The following RBFOX1 variants were observed in gnomAD, a reference collection of about 807,000 sequenced individuals.
RBFOX1 encodes the protein RNA binding protein fox-1 homolog 1.
In RBFOX1, 8 loss-of-function variants were observed where a neutral mutation model predicts 57.7. The ratio of observed to expected loss-of-function variants is 0.14; its 90% CI spans 0.08 to 0.25. RBFOX1 has a LOEUF of 0.25. Among genes scored for constraint, RBFOX1 ranks in the 10% least tolerant of loss-of-function variants. The pLI, the probability that RBFOX1 is intolerant of heterozygous loss-of-function variation, is 1.00. For synonymous variants in RBFOX1, 326 were observed against 222.4 expected, an observed-to-expected ratio of 1.47 and a Z score of -4.15; for missense variants, 611 against 548.5, an observed-to-expected ratio of 1.11 and a Z score of -1.14.
intron 3 of RBFOX1, among the ~76,000 whole-genome samples, chr16:6,988,929 G>A (rs934171009): frequency 1.3e-5 from 2 of 151,890 alleles, no homozygotes; most frequent in Admixed American, 6.6e-5. Context: ...CCACTACCAT[G>A]CCTGGCTAAT....
intron 4 of RBFOX1, among the ~76,000 whole-genome samples, chr16:7,303,322 G>A (rs1269188459): frequency 6.6e-6 from 1 of 152,044 alleles, no homozygotes; most frequent in Non-Finnish European, 1.5e-5. Context: ...GCTCCCTCCT[G>A]CCCCCAGCCC....
chr16:6,986,822 G>C (rs1257233204), intron 3 of RBFOX1, among the ~76,000 whole-genome samples: 1 of 152,086 alleles, frequency 6.6e-6, no homozygotes, highest in South Asian at 2.1e-4. Flanking sequence ...GCAGGTGCCT[G>C]TATGTTTCAC....
chr16:5,998,466 G>T (rs1168293807), intron 4 of RBFOX1, among the ~76,000 whole-genome samples: 1 of 152,210 alleles, frequency 6.6e-6, no homozygotes, highest in Non-Finnish European at 1.5e-5. Flanking sequence ...TGAGTGTTTA[G>T]AACTAGAAGA....
intron 3 of RBFOX1, among the ~76,000 whole-genome samples, chr16:6,705,820 C>A (rs1437333994): frequency 6.6e-6 from 1 of 152,114 alleles, no homozygotes; most frequent in Non-Finnish European, 1.5e-5. Flanking sequence ...GAGTCCAAGA[C>A]CATCCTGGCT....
chr16:5,770,942 G>T (rs545293488), intron 3 of RBFOX1, among the ~76,000 whole-genome samples: 37 of 152,228 alleles, frequency 2.4e-4, no homozygotes, highest in African/African-American at 7.7e-4. Flanking sequence ...TTCCATCCTG[G>T]CAGGTGAACT....
chr16:7,669,663 T>C (rs1283577606), intron 13 of RBFOX1, among the ~76,000 whole-genome samples: 1 of 152,222 alleles, frequency 6.6e-6, no homozygotes, highest in African/African-American at 2.4e-5. Flanking sequence ...ATTTCTGAAT[T>C]CCTGTCACTC....
At chr16:7,403,572 C>CG (rs957298313) in intron 4 of RBFOX1, among the ~76,000 whole-genome samples, 1 of 146,742 alleles carries the variant, frequency 6.8e-6, no homozygotes. Flanking sequence ...TCCCCCCCCC[C>CG]CCACTTTTTT....
At chr16:6,413,901 G>A (rs1288198123) in intron 2 of RBFOX1, among the ~76,000 whole-genome samples, 1 of 152,194 alleles carries the variant, frequency 6.6e-6, no homozygotes, top group African/African-American at 2.4e-5. Context: ...AACTCTTAGC[G>A]AGGTTGATGG....
intron 1 of RBFOX1, among the ~76,000 whole-genome samples, chr16:5,324,431 C>G (rs2064503820): frequency 1.3e-5 from 2 of 152,254 alleles, no homozygotes; most frequent in Middle Eastern, 6.8e-3. Flanking sequence ...ACACTGCACT[C>G]CAGCCTGGGT....
chr16:7,576,230 C>A (rs1342897559), intron 5 of RBFOX1, among the ~76,000 whole-genome samples: 1 of 152,042 alleles, frequency 6.6e-6, no homozygotes, highest in Non-Finnish European at 1.5e-5. Flanking sequence ...AGCCCCATTA[C>A]CCCATTAATG....
At chr16:7,248,374 A>G (rs551254846) in intron 4 of RBFOX1, among the ~76,000 whole-genome samples, 2 of 152,306 alleles carry the variant, frequency 1.3e-5, no homozygotes, top group South Asian at 2.1e-4. Context: ...AGGATGCCCT[A>G]TGTGGGTATC....
rs528636617 is a variant in RBFOX1 at position 6,796,996 on chromosome 16, C to T, written c.-16+142346C>T. ...TTCCTTAGTGGGAAAACATAAGATG[C>T]CACGGGCAGTCTAAATGTCAAGATT... On this transcript the variant is annotated intron_variant, in intron 3 of 15. Transcript: ENST00000550418. Among the ~76,000 whole-genome samples, 4 of 152,248 alleles carry T rather than the reference C, an allele frequency of 2.6e-5. No individual in the cohort carries two copies. The East Asian group carries it at 5.8e-4, about 22-fold the overall frequency.
intron 3 of RBFOX1, among the ~76,000 whole-genome samples, chr16:6,914,896 C>A (rs993684585): frequency 1.3e-5 from 2 of 152,190 alleles, no homozygotes; most frequent in African/African-American, 4.8e-5. Context: ...AAAAACAAAA[C>A]ACAGATGGAT....
chr16:6,314,976 C>G (rs2080889942), intron 1 of RBFOX1, among the ~76,000 whole-genome samples: 1 of 152,200 alleles, frequency 6.6e-6, no homozygotes, highest in Non-Finnish European at 1.5e-5. Flanking sequence ...CCCACTGTCC[C>G]CGGTGAAGAT....
chr16:6,772,938 G>T (rs2078596582), intron 3 of RBFOX1, among the ~76,000 whole-genome samples: 1 of 148,636 alleles, frequency 6.7e-6, no homozygotes, highest in South Asian at 2.2e-4. Flanking sequence ...TTGTGTGTGT[G>T]TGTGTATCTA....
At chr16:5,279,514 T>G (rs2063219727) in intron 1 of RBFOX1, among the ~76,000 whole-genome samples, 1 of 152,196 alleles carries the variant, frequency 6.6e-6, no homozygotes, top group African/African-American at 2.4e-5. Context: ...TTATTTTTTA[T>G]TTTTTGAGAT....
At chr16:7,231,865 C>T (rs1194956313) in intron 4 of RBFOX1, among the ~76,000 whole-genome samples, 3 of 152,126 alleles carry the variant, frequency 2.0e-5, no homozygotes, top group African/African-American at 7.2e-5. Flanking sequence ...TCCACACCAA[C>T]AGAAAGCAGA....
At chr16:6,926,117 C>G (rs1478356726) in intron 3 of RBFOX1, among the ~76,000 whole-genome samples, 1 of 151,824 alleles carries the variant, frequency 6.6e-6, no homozygotes, top group African/African-American at 2.4e-5. Context: ...ACCAGCCTGG[C>G]CAACATGATG....
rs370554370 is a variant in RBFOX1 at position 7,706,707 on chromosome 16, C to G, written c.996-2349C>G. On this transcript the variant is annotated intron_variant, in intron 14 of 15. Coordinates refer to ENST00000550418, the MANE Select transcript of RBFOX1 (RefSeq NM_018723.4). ...ACTTCATATCCTATTTATGAAACAG[C>G]TTTGCCAAATTTAAGTACCTTAAAA... is the stretch of plus-strand genomic sequence containing the variant. Among the ~76,000 whole-genome samples the G allele has an allele frequency of 2.6e-5, 4 of 152,292 alleles. No individual in the cohort carries two copies. In the East Asian group the frequency reaches 5.8e-4, roughly 22 times the overall value.
Sources: allele counts gnomAD v4.1 joint callset (sites outside exome capture counted in the v4.1 genomes callset), GRCh38; gene constraint gnomAD v4.1.1; transcripts MANE v1.5; gene names NCBI Gene and HGNC (gene_info 2026-07-23, HGNC 2026-07-21).